VPS54: variants seen among roughly 807,000 people sequenced by gnomAD.
The protein encoded by VPS54 is vacuolar protein sorting-associated protein 54.
A neutral mutation model predicts 121.5 loss-of-function variants in VPS54; 45 were observed. The ratio of observed to expected loss-of-function variants is 0.37; its 90% CI spans 0.29 to 0.47. The LOEUF is 0.47. Ranked by LOEUF, VPS54 falls within the 20% of genes least tolerant of loss-of-function variation. The pLI is 0.99. For missense variants in VPS54, 1,090 were observed against 1,131.4 expected, an observed-to-expected ratio of 0.96 and a Z score of 0.52; for synonymous variants, 371 against 385.8, an observed-to-expected ratio of 0.96 and a Z score of 0.45.
intron 20 of VPS54, among the ~76,000 whole-genome samples, chr2:63,905,607 A>C (rs866513175): frequency 1.3e-5 from 2 of 152,130 alleles, no homozygotes; most frequent in African/African-American, 4.8e-5. Context: ...AACTTGGGGA[A>C]AAAATAATAC....
intron 11 of VPS54, among the ~76,000 whole-genome samples, chr2:63,936,304 T>TTC (rs1469861866): frequency 3.3e-5 from 5 of 152,172 alleles, no homozygotes; most frequent in Non-Finnish European, 7.4e-5. Flanking sequence ...TCCAAAGCCA[T>TTC]TCTTAAGAAT....
At chr2:63,912,208 T>G in intron 20 of VPS54, 137 bp downstream of exon 20, 1 of 919,240 alleles carries the variant, frequency 1.1e-6, no homozygotes, top group Non-Finnish European at 1.6e-6. Context: ...GAAAAAAAAT[T>G]TAAAATTCTA....
intron 4 of VPS54, among the ~76,000 whole-genome samples, chr2:63,970,313 A>ATATATAGATATAT (rs1312969372): frequency 1.6e-4 from 24 of 148,116 alleles, no homozygotes; most frequent in Middle Eastern, 3.5e-3. Context: ...AGATATAGAT[A>ATATATAGATATAT]AAACCCAGGC....
intron 1 of VPS54, among the ~76,000 whole-genome samples, chr2:63,998,731 T>C (rs11684123): frequency 6.6e-6 from 1 of 152,110 alleles, no homozygotes; most frequent in East Asian, 1.9e-4. Flanking sequence ...CTTTTTGTTG[T>C]TTCTATTTAT....
chr2:64,004,558 A>C (rs1309537873), intron 1 of VPS54, among the ~76,000 whole-genome samples: 1 of 152,180 alleles, frequency 6.6e-6, no homozygotes, highest in African/African-American at 2.4e-5. Flanking sequence ...AAACATCATT[A>C]CCTATGAAAT....
At chr2:63,974,562 C>CTA (rs1676431433) in intron 3 of VPS54, among the ~76,000 whole-genome samples, 1 of 152,172 alleles carries the variant, frequency 6.6e-6, no homozygotes, top group African/African-American at 2.4e-5. Context: ...TTGAGCCTTC[C>CTA]TATCCACATA....
intron 6 of VPS54, among the ~76,000 whole-genome samples, chr2:63,962,861 A>G (rs1675831654): frequency 6.6e-6 from 1 of 152,132 alleles, no homozygotes; most frequent in African/African-American, 2.4e-5. Context: ...CCTTCCATTT[A>G]TTGACCTCCT....
rs182948002 is a variant in VPS54 at position 63,969,976 on chromosome 2, T to C, written c.458-985A>G. ...ATCTTAAGGCTGAGATACACACTTA[T>C]CTTCAAATGAACCTACTTTACTTTC... is the stretch of plus-strand genomic sequence containing the variant. On this transcript the variant is annotated intron_variant, in intron 4 of 22. Transcript: ENST00000272322. Among the ~76,000 whole-genome samples the C allele has an allele frequency of 2.5e-3, 373 of 152,082 alleles. 1 individual carries two copies. Among genetic ancestry groups the C allele is most frequent in the African/African-American group, 8.2e-3 (342 of 41,498 alleles).
Position 63,947,516 on chromosome 2 carries a change from G to T in VPS54, c.1138-26C>A. ...CTGTTAAAATAAAAGTATGTAACTT[G>T]ACATTTTAAATATGAAGTAATTTTA... On this transcript the variant is annotated intron_variant, in intron 8 of 22. Coordinates refer to ENST00000272322, the MANE Select transcript of VPS54 (RefSeq NM_016516.3). The T allele has an allele frequency of 4.2e-6, 6 of 1,429,858 alleles. No homozygotes were observed. The South Asian group carries it at 5.1e-5, about 12-fold the overall frequency. 88.6% of individuals were successfully genotyped at this position (1,429,858 alleles called of 1,614,324 possible). A position where few individuals can be genotyped will look rare whatever the true frequency, so the allele number is the denominator to read the frequency against.
intron 9 of VPS54, 106 bp downstream of exon 9, chr2:63,947,277 T>C (rs960705614): frequency 5.6e-5 from 60 of 1,064,476 alleles, no homozygotes; most frequent in Non-Finnish European, 7.2e-5. Flanking sequence ...TTTACATAAA[T>C]GAGCTATATT....
rs1401898355 is a variant in VPS54 at position 64,017,764 on chromosome 2, A to T, written c.-21+1174T>A. On this transcript the variant is annotated intron_variant, in intron 1 of 22. Transcript: ENST00000272322. ...TTCTTAAGTTATCAGAACATAATTT[A>T]AAAATAGCCAAATTACAATAAAATC... is the stretch of plus-strand genomic sequence containing the variant. Among the ~76,000 whole-genome samples the T allele has an allele frequency of 2.0e-5, 3 of 152,260 alleles. No homozygotes were observed. In the East Asian group the frequency reaches 5.8e-4, roughly 29 times the overall value.
intron 3 of VPS54, among the ~76,000 whole-genome samples, chr2:63,973,734 G>T (rs1676392468): frequency 1.3e-5 from 2 of 151,954 alleles, no homozygotes; most frequent in South Asian, 4.2e-4. Flanking sequence ...TTGTACAGAT[G>T]GGTTCTCACT....
intron 9 of VPS54, among the ~76,000 whole-genome samples, chr2:63,945,034 T>C (rs1298833137): frequency 3.3e-5 from 5 of 152,198 alleles, no homozygotes; most frequent in African/African-American, 1.2e-4. Flanking sequence ...ATCCCATTAC[T>C]GGTTACATAC....
intron 20 of VPS54, among the ~76,000 whole-genome samples, chr2:63,908,939 C>T (rs1673017339): frequency 6.6e-6 from 1 of 152,170 alleles, no homozygotes; most frequent in African/African-American, 2.4e-5. Flanking sequence ...AAAACCCTGA[C>T]AATGAATTGC....
intron 6 of VPS54, 118 bp downstream of exon 6, chr2:63,965,717 G>C: frequency 2.1e-6 from 3 of 1,425,112 alleles, no homozygotes; most frequent in Non-Finnish European, 2.9e-6. Context: ...ATAGTTATCA[G>C]TAAGAACAAA....
Position 63,923,807 on chromosome 2 carries a change from T to C in VPS54, c.1740-2472A>G, listed in dbSNP as rs1393845354. On this transcript the variant is annotated intron_variant, in intron 12 of 22. Transcript: ENST00000272322. ...TGCAGGTTATTTTGAAGTAAGAAAATAGGGAAAATCTACCACTAACAAAGT... is the reference window on the plus strand; with the variant it reads ...TGCAGGTTATTTTGAAGTAAGAAAACAGGGAAAATCTACCACTAACAAAGT... 3.9e-5 allele frequency among the ~76,000 whole-genome samples: 6 copies of C among 152,168 alleles called. No homozygotes were observed. The East Asian group carries it at 9.6e-4, about 24-fold the overall frequency.
chr2:63,935,330 A>G (rs1454278747), intron 11 of VPS54, among the ~76,000 whole-genome samples: 1 of 152,136 alleles, frequency 6.6e-6, no homozygotes, highest in Non-Finnish European at 1.5e-5. Context: ...AGCCTTCAAG[A>G]GCTTTAGGAC....
intron 1 of VPS54, among the ~76,000 whole-genome samples, chr2:64,017,761 T>C (rs1678776956): frequency 1.3e-5 from 2 of 152,224 alleles, no homozygotes. Context: ...CAGAACATAA[T>C]TTAAAAATAG....
chr2:63,904,333 G>GGA (rs2104413112), intron 20 of VPS54, among the ~76,000 whole-genome samples: 2 of 150,976 alleles, frequency 1.3e-5, no homozygotes, highest in South Asian at 4.2e-4. Context: ...CACTTACTCA[G>GGA]GAGGCTGAGG....
Sources: allele counts gnomAD v4.1 joint callset (sites outside exome capture counted in the v4.1 genomes callset), GRCh38; gene constraint gnomAD v4.1.1; transcripts MANE v1.5; gene names NCBI Gene and HGNC (gene_info 2026-07-23, HGNC 2026-07-21).